AGPS: variants seen among roughly 807,000 people sequenced by gnomAD.
AGPS encodes alkyldihydroxyacetonephosphate synthase, peroxisomal.
AGPS carries 26 observed loss-of-function variants against 90.7 expected under a neutral mutation model. The observed-to-expected ratio is 0.29, with a 90% CI of 0.21 to 0.40. The LOEUF (loss-of-function observed/expected upper bound fraction) is 0.40. AGPS is among the 10% of genes least tolerant of loss of function. AGPS has a pLI of 1.00. For synonymous variants in AGPS, 294 were observed against 285.3 expected (o/e 1.03, Z -0.31); for missense variants, 540 against 816.1 (o/e 0.66, Z 4.12).
At chr2:177,482,718 A>G (rs1389424771) in intron 11 of AGPS, among the ~76,000 whole-genome samples, 7 of 152,136 alleles carry the variant, frequency 4.6e-5, no homozygotes, top group Non-Finnish European at 1.0e-4. Context: ...AGCTTAAATT[A>G]AGGAATATAC....
At chr2:177,531,011 AT>A (rs556763845) in intron 19 of AGPS, among the ~76,000 whole-genome samples, 1 of 151,906 alleles carries the variant, frequency 6.6e-6, no homozygotes, top group Non-Finnish European at 1.5e-5. Flanking sequence ...TTAAATATTG[AT>A]TTTTTTTACC....
At chr2:177,535,842 G>C (rs1396799668) in intron 19 of AGPS, among the ~76,000 whole-genome samples, 2 of 151,756 alleles carry the variant, frequency 1.3e-5, no homozygotes, top group African/African-American at 4.8e-5. Flanking sequence ...GCCACGAAGG[G>C]GTTAAATGCT....
Position 177,459,665 on chromosome 2 carries a change from A to G in AGPS, c.871-2228A>G, listed in dbSNP as rs559628074. 7.9e-5 allele frequency among the ~76,000 whole-genome samples: 12 copies of G among 152,316 alleles called. No individual in the cohort carries two copies. In the East Asian group the frequency reaches 2.3e-3, roughly 29 times the overall value. On this transcript the variant is annotated intron_variant, in intron 8 of 19. Transcript: ENST00000264167. ...ATGGCAATCATTAAAAAATCAAGAA[A>G]CAACATATGCTGGAGAGGTTGTGGA...
chr2:177,473,112 G>T (rs913292791), intron 10 of AGPS, among the ~76,000 whole-genome samples: 5 of 152,256 alleles, frequency 3.3e-5, no homozygotes, highest in African/African-American at 1.2e-4. Flanking sequence ...GCAGCTGGAA[G>T]GCTACAGGAA....
rs114870174 is a variant in AGPS, at chr2:177,439,274, C to G, written c.638-1691C>G. Among the ~76,000 whole-genome samples the G allele has an allele frequency of 7.5e-3, 1,147 of 152,188 alleles. 17 individuals carry two copies. Among genetic ancestry groups the G allele is most frequent in the African/African-American group, 0.026 (1,078 of 41,520 alleles). ...TTACCGAGGGGAAACAGATAATCCA[C>G]AAGTAAATATGTAACATATTGGGTA... is the stretch of plus-strand genomic sequence containing the variant. On this transcript the variant is annotated intron_variant, in intron 5 of 19. Coordinates refer to ENST00000264167, the MANE Select transcript of AGPS (RefSeq NM_003659.4).
intron 2 of AGPS, among the ~76,000 whole-genome samples, chr2:177,425,388 A>C (rs528463005): frequency 6.6e-6 from 1 of 152,200 alleles, no homozygotes; most frequent in Non-Finnish European, 1.5e-5. Flanking sequence ...TGGGAGGCTG[A>C]GGCGGGTGGA....
chr2:177,522,849 A>G (rs1345204728), intron 18 of AGPS, among the ~76,000 whole-genome samples: 1 of 152,168 alleles, frequency 6.6e-6, no homozygotes, highest in East Asian at 1.9e-4. Flanking sequence ...GTTTATACAT[A>G]CACAACTGAG....
At chr2:177,476,753 G>C (rs1687790800) in intron 10 of AGPS, among the ~76,000 whole-genome samples, 1 of 151,976 alleles carries the variant, frequency 6.6e-6, no homozygotes, top group Non-Finnish European at 1.5e-5. Flanking sequence ...AGAAAGTAAG[G>C]CATTGAAGTC....
chr2:177,473,140 C>T (rs1687678928), intron 10 of AGPS, among the ~76,000 whole-genome samples: 1 of 152,076 alleles, frequency 6.6e-6, no homozygotes, highest in South Asian at 2.1e-4. Flanking sequence ...GGAATTTTTT[C>T]TTTTTATCTC....
At chr2:177,501,929 G>A (rs2105714310) in intron 14 of AGPS, among the ~76,000 whole-genome samples, 1 of 152,336 alleles carries the variant, frequency 6.6e-6, no homozygotes, top group African/African-American at 2.4e-5. Context: ...GCCTCCCAAA[G>A]TGCTGGGATT....
At chr2:177,493,005 A>G in intron 11 of AGPS, 143 bp from the exon 12 acceptor site, 1 of 709,800 alleles carries the variant, frequency 1.4e-6, no homozygotes, top group Non-Finnish European at 2.3e-6. Flanking sequence ...AAAGTATATG[A>G]AAAGTTAACT....
At chr2:177,444,624 AT>A (rs1559049048) in intron 7 of AGPS, among the ~76,000 whole-genome samples, 4 of 3,472 alleles carry the variant, frequency 1.2e-3, no homozygotes, top group African/African-American at 2.5e-3. Flanking sequence ...CTATTTTTGT[AT>A]TGTATTTTGT....
At chr2:177,496,271 A>T (rs1688410519) in intron 12 of AGPS, among the ~76,000 whole-genome samples, 1 of 152,192 alleles carries the variant, frequency 6.6e-6, no homozygotes, top group Non-Finnish European at 1.5e-5. Context: ...TTTTGTATAA[A>T]GAATAGATAA....
chr2:177,504,417 T>C (rs2105716954), intron 14 of AGPS, among the ~76,000 whole-genome samples: 1 of 152,280 alleles, frequency 6.6e-6, no homozygotes, highest in South Asian at 2.1e-4. Flanking sequence ...TCTTCTTTGC[T>C]CATTAACATT....
rs770019692 is a variant in AGPS at position 177,480,129 on chromosome 2, G to A, written c.1106-1930G>A. ...CAGGAGGCACAGGTTGTGGTGAGCC[G>A]AGATCATGTCATTGCACTCCAGCCT... On this transcript the variant is annotated intron_variant, in intron 10 of 19. Coordinates refer to ENST00000264167, the MANE Select transcript of AGPS (RefSeq NM_003659.4). Among the ~76,000 whole-genome samples, 15 of 152,146 alleles carry A rather than the reference G, an allele frequency of 9.9e-5. 1 individual carries two copies. The highest frequency in any genetic ancestry group is 3.4e-3 in the Middle Eastern group (1 of 294).
chr2:177,446,064 T>G (rs1686759662), intron 8 of AGPS, among the ~76,000 whole-genome samples: 1 of 152,122 alleles, frequency 6.6e-6, no homozygotes, highest in Non-Finnish European at 1.5e-5. Context: ...AAAATGAGAC[T>G]TCAGGATGAG....
intron 10 of AGPS, among the ~76,000 whole-genome samples, chr2:177,473,383 A>C (rs1559062447): frequency 1.3e-5 from 2 of 152,246 alleles, no homozygotes; most frequent in East Asian, 3.8e-4. Flanking sequence ...TATATCAAAC[A>C]GCATTTGAAG....
chr2:177,408,047 G>T (rs1328094299), intron 1 of AGPS, among the ~76,000 whole-genome samples: 4 of 152,098 alleles, frequency 2.6e-5, no homozygotes, highest in Admixed American at 2.0e-4. Flanking sequence ...CTCCTGAGTC[G>T]CTGGGATTAT....
chr2:177,510,453 A>T (rs1257030321), intron 16 of AGPS, among the ~76,000 whole-genome samples: 1 of 152,186 alleles, frequency 6.6e-6, no homozygotes, highest in African/African-American at 2.4e-5. Context: ...ATTCAGTCCA[A>T]ATCACCGGGA....
Sources: gnomAD v4.1 joint callset for allele counts (sites outside exome capture counted in the v4.1 genomes callset) on GRCh38, gnomAD v4.1.1 for gene constraint, MANE v1.5 for transcripts, NCBI Gene and HGNC (gene_info 2026-07-23, HGNC 2026-07-21) for gene names.